MYH13: variants seen among roughly 807,000 people sequenced by gnomAD.
The protein encoded by MYH13 is myosin heavy chain 13.
Under a neutral mutation model 232.1 loss-of-function variants are expected in MYH13, and 177 were observed. The ratio of observed to expected loss-of-function variants is 0.76; its 90% confidence interval spans 0.67 to 0.86. The LOEUF is 0.86. Ranked by LOEUF, MYH13 falls within the 40% of genes least tolerant of loss-of-function variation. The pLI, the probability that MYH13 is intolerant of heterozygous loss-of-function variation, is 0.00. For synonymous variants in MYH13, 884 were observed against 923.5 expected (o/e 0.96, Z 0.78); for missense variants, 2,246 against 2,405.9 (o/e 0.93, Z 1.39).
In MYH13 at chr17:10,320,151, A is replaced by G. The variant is rs1906880083; in HGVS notation, c.3348+2T>C. 2 of 1,575,692 alleles carry G rather than the reference A, an allele frequency of 1.3e-6. No individual in the cohort carries two copies. The highest frequency in any genetic ancestry group is 4.6e-5 in the East Asian group (2 of 43,822). ...TGATTGGGAAGGTTTTGATGCTTTT[A>G]CTTGCAGTTCTTTAATCTTCTTTTG... On this transcript the variant is annotated splice_donor_variant, in intron 26 of 40. Transcript: ENST00000252172. LOFTEE classifies it high-confidence loss of function.
At chr17:10,351,193 C>CCTGGGAGA (rs1170745110) in intron 11 of MYH13, among the ~76,000 whole-genome samples, 1 of 125,046 alleles carries the variant, frequency 8.0e-6, no homozygotes, top group Non-Finnish European at 1.6e-5. Flanking sequence ...TGCACTCCAG[C>CCTGGGAGA]CTGGGAGACA....
intron 3 of MYH13, among the ~76,000 whole-genome samples, chr17:10,363,156 C>T (rs1173185955): frequency 1.3e-5 from 2 of 151,594 alleles, no homozygotes; most frequent in African/African-American, 2.4e-5. Context: ...TTCAAGCTGG[C>T]TCTGCACTCC....
rs1906680832 is a variant in MYH13, at chr17:10,315,728, C to T, written c.3949G>A (p.Glu1317Lys). The change falls in exon 29 of 41, where the codon GAG (glutamate) becomes AAG (lysine). Residue 1317 changes from glutamate (E) to lysine (K), a missense_variant. By Grantham distance (56) the Glu-to-Lys change is moderately conservative (BLOSUM62 1). Transcript: ENST00000252172. ...KSKQALTQQL[E>K]ELKRQMEEET... ...TCTTCCATTTGCCTCTTAAGCTCCT[C>T]CAGCTGCTGGGTGAGGGCCTGCTTG... 6.2e-7 allele frequency: 1 copy of T among 1,614,014 alleles called. No individual in the cohort carries two copies. The highest frequency in any genetic ancestry group is 1.3e-5 in the African/African-American group (1 of 75,032).
At chr17:10,333,283 C>A in intron 18 of MYH13, 92 bp from the exon 19 acceptor site, 1 of 876,074 alleles carries the variant, frequency 1.1e-6, no homozygotes. Flanking sequence ...CACATCCACA[C>A]TTGAGTGGGA....
chr17:10,357,700 T>G, intron 8 of MYH13, 35 bp downstream of exon 8: 2 of 1,591,394 alleles, frequency 1.3e-6, no homozygotes, highest in Non-Finnish European at 1.7e-6. Flanking sequence ...GGGTATGCTT[T>G]TGGGAGGATA....
Position 10,306,521 on chromosome 17 carries a change from C to G in MYH13, c.5404G>C (p.Asp1802His). The change falls in exon 37 of 41, where the codon GAT (aspartate) becomes CAT (histidine). Residue 1802 changes from aspartate (D) to histidine (H), a missense_variant. Asp to His is a moderately conservative substitution (Grantham distance 81). Transcript: ENST00000252172. The surrounding 1 kb of genome is among the most constrained non-coding windows in gnomAD (Gnocchi z 4.3). ...TTCAGCGCCAGTTGTTCAGCCTCATCTAGACGGTGCTGCAGGTCCTTCACC... is the reference window on the plus strand; with the variant it reads ...TTCAGCGCCAGTTGTTCAGCCTCATGTAGACGGTGCTGCAGGTCCTTCACC... Reference protein sequence around the residue: ...QTVKDLQHRLDEAEQLALKGG... With the variant: ...QTVKDLQHRLHEAEQLALKGG... 6.2e-7 allele frequency: 1 copy of G among 1,614,150 alleles called. No homozygotes were observed. The highest frequency in any genetic ancestry group is 8.5e-7 in the Non-Finnish European group (1 of 1,180,028).
intron 8 of MYH13, among the ~76,000 whole-genome samples, chr17:10,355,419 C>G (rs1433193010): frequency 6.6e-6 from 1 of 152,118 alleles, no homozygotes; most frequent in Non-Finnish European, 1.5e-5. Flanking sequence ...TTCAGTTTTC[C>G]CATTAGCTCA....
intron 39 of MYH13, among the ~76,000 whole-genome samples, 171 bp from the exon 40 acceptor site, chr17:10,301,874 C>T (rs1051769208): frequency 2.0e-5 from 3 of 152,206 alleles, no homozygotes; most frequent in South Asian, 2.1e-4. Context: ...TCCCAGCTCA[C>T]GACCATGTGT....
At position 10,370,710 on chromosome 17, in the gene MYH13, C is replaced by T. The variant is rs534771192; in HGVS notation, c.-13+499G>A. Among the ~76,000 whole-genome samples, 6 of 152,194 alleles carry T rather than the reference C, an allele frequency of 3.9e-5. 1 individual carries two copies. Among genetic ancestry groups the T allele is most frequent in the Admixed American group, 1.3e-4 (2 of 15,288 alleles). On this transcript the variant is annotated intron_variant, in intron 2 of 40. Transcript: ENST00000252172. ...CAATGACAGCTTGGCTTTTTTGGTC[C>T]CAATTCATCTAGAACTACCTCTAAT...
intron 7 of MYH13, among the ~76,000 whole-genome samples, chr17:10,358,040 T>A (rs1367719989): frequency 6.6e-6 from 1 of 152,088 alleles, no homozygotes; most frequent in South Asian, 2.1e-4. Flanking sequence ...AGCATAGCAT[T>A]GAAGTGACTT....
chr17:10,365,486 TG>T, intron 2 of MYH13, among the ~76,000 whole-genome samples: 1 of 152,280 alleles, frequency 6.6e-6, no homozygotes, highest in South Asian at 2.1e-4. Context: ...AGGCCTGAAG[TG>T]GGGCCCAAAA....
intron 21 of MYH13, among the ~76,000 whole-genome samples, chr17:10,329,754 G>T (rs1907345919): frequency 6.6e-6 from 1 of 151,970 alleles, no homozygotes; most frequent in South Asian, 2.1e-4. Context: ...AGGCCAAGGC[G>T]GGCGGATCAC....
chr17:10,327,893 C>A lies in MYH13; in HGVS notation c.2664G>T (p.Lys888Asn). ...EEKMVSLLQE[K>N]NDLQLQVQSE... ...ACTGGACCTGCAATTGGAGGTCATT[C>A]TTCTCCTGCAGGAGGGAGACCATTT... The change falls in exon 22 of 41, where the codon AAG becomes AAT. Residue 888 changes from lysine to asparagine, a missense_variant. By Grantham distance (94) the Lys-to-Asn change is moderately conservative. Transcript: ENST00000252172. 6.2e-7 allele frequency: 1 copy of A among 1,613,440 alleles called. No individual in the cohort carries two copies. Among genetic ancestry groups the A allele is most frequent in the East Asian group, 2.2e-5 (1 of 44,878 alleles).
intron 33 of MYH13, 97 bp downstream of exon 33, chr17:10,311,006 G>A: frequency 1.3e-6 from 2 of 1,483,290 alleles, no homozygotes; most frequent in South Asian, 2.6e-5. Context: ...GAGACTCAGG[G>A]TCTCCTGGCA....
intron 8 of MYH13, among the ~76,000 whole-genome samples, chr17:10,356,262 G>A (rs2071748604): frequency 6.6e-6 from 1 of 152,198 alleles, no homozygotes; most frequent in South Asian, 2.1e-4. Context: ...TGCACTGTAA[G>A]TGCTGTGTCT....
chr17:10,324,760 T>TTTTTTTTG (rs1555549982), intron 22 of MYH13: 1 of 88,504 alleles, frequency 1.1e-5, no homozygotes, highest in Admixed American at 1.2e-4. Flanking sequence ...ATACATGTTT[T>TTTTTTTTG]TTTTTTTTTT....
At chr17:10,365,164 C>T (rs928237312) in intron 2 of MYH13, among the ~76,000 whole-genome samples, 3 of 152,114 alleles carry the variant, frequency 2.0e-5, no homozygotes, top group Admixed American at 6.5e-5. Flanking sequence ...CGTGAGCCAC[C>T]GCCTCCATCC....
At chr17:10,356,396 G>A (rs140523631) in intron 8 of MYH13, among the ~76,000 whole-genome samples, 10 of 152,350 alleles carry the variant, frequency 6.6e-5, no homozygotes, top group African/African-American at 2.2e-4. Flanking sequence ...GCTAAGAGTA[G>A]AGGCCCATGA....
Position 10,306,633 on chromosome 17 carries a change from G to A in MYH13, c.5296-4C>T, listed in dbSNP as rs1488968074. The A allele has an allele frequency of 5.6e-6, 9 of 1,613,800 alleles. No individual in the cohort carries two copies. The highest frequency in any genetic ancestry group is 1.3e-5 in the African/African-American group (1 of 74,888). The stretch of plus-strand genomic sequence containing the variant: ...GCTCCTCAGCCATCATGGCAGCCTG[G>A]TTAAGTTCACAGGACACATCAGAGG... On this transcript the variant is annotated splice_region_variant and splice_polypyrimidine_tract_variant and intron_variant, in intron 36 of 40. Transcript: ENST00000252172. The surrounding 1 kb of genome is among the most constrained non-coding windows in gnomAD (Gnocchi z 4.3).
Sources: gnomAD v4.1 joint callset for allele counts (sites outside exome capture counted in the v4.1 genomes callset) on GRCh38, gnomAD v4.1.1 for gene constraint, Gnocchi (gnomAD v3.1) non-coding constraint, MANE v1.5 for transcripts, NCBI Gene and HGNC (gene_info 2026-07-23, HGNC 2026-07-21) for gene names.